Variants in DPP6 observed in about 807,000 individuals in gnomAD.
The protein encoded by DPP6 is A-type potassium channel modulatory protein DPP6.
DPP6 carries 69 observed loss-of-function variants against 122.6 expected under a neutral mutation model. That is an observed-to-expected ratio of 0.56 (90% CI 0.46 to 0.69). The LOEUF (loss-of-function observed/expected upper bound fraction) is 0.69. DPP6 is among the 30% of genes least tolerant of loss of function. DPP6 has a pLI of 0.00. For synonymous variants in DPP6, 418 were observed against 433.1 expected (o/e 0.97, Z 0.43); for missense variants, 928 against 1,116.9 (o/e 0.83, Z 2.41).
rs148429250 is a variant in DPP6, at chr7:154,877,452, A to G, written c.2078+1352A>G. On this transcript the variant is annotated intron_variant, in intron 20 of 25. Coordinates refer to ENST00000377770, the MANE Select transcript of DPP6 (RefSeq NM_130797.4). The surrounding 1 kb of genome is among the most constrained non-coding windows in gnomAD (Gnocchi z 5.2). Reference sequence around the variant, plus strand: ...ACACACCTCTCAAATAAGGAACTATATTGGCTACAAAAGACACAGGGATGT... The same window carrying G: ...ACACACCTCTCAAATAAGGAACTATGTTGGCTACAAAAGACACAGGGATGT... 8.2e-3 allele frequency among the ~76,000 whole-genome samples: 1,248 copies of G among 152,050 alleles called. 8 individuals are homozygous for G. Among genetic ancestry groups the G allele is most frequent in the African/African-American group, 0.029 (1,195 of 41,446 alleles).
chr7:153,956,425 G>C (rs1040954276), intron 1 of DPP6, among the ~76,000 whole-genome samples: 1 of 152,128 alleles, frequency 6.6e-6, no homozygotes, highest in African/African-American at 2.4e-5. Flanking sequence ...GGAGATGGAC[G>C]AGCATCATGA....
At chr7:154,306,773 G>C (rs529494669) in intron 1 of DPP6, among the ~76,000 whole-genome samples, 86 of 152,262 alleles carry the variant, frequency 5.6e-4, no homozygotes, top group African/African-American at 1.9e-3. Flanking sequence ...TGTAAATACG[G>C]ACATTAAAAA....
intron 3 of DPP6, among the ~76,000 whole-genome samples, chr7:154,538,705 TTC>T (rs1828466629): frequency 6.6e-6 from 1 of 151,450 alleles, no homozygotes; most frequent in East Asian, 1.9e-4. Flanking sequence ...CTTAAGTGCT[TTC>T]TAAAAAAAAA....
At chr7:153,956,850 C>T (rs1379947604) in intron 1 of DPP6, among the ~76,000 whole-genome samples, 1 of 152,112 alleles carries the variant, frequency 6.6e-6, no homozygotes, top group African/African-American at 2.4e-5. Context: ...TTGTGCAACA[C>T]CATTGCTGTC....
intron 1 of DPP6, among the ~76,000 whole-genome samples, chr7:154,231,677 T>G (rs896379443): frequency 6.6e-6 from 1 of 152,130 alleles, no homozygotes; most frequent in Non-Finnish European, 1.5e-5. Flanking sequence ...CTTCTGTGTC[T>G]CTATGCCTGC....
chr7:153,751,382 C>CCTTTTAGATGTGTTAGCCTT, the DPP6 span, among the ~76,000 whole-genome samples: 2 of 151,168 alleles, frequency 1.3e-5, no homozygotes, highest in African/African-American at 4.9e-5. Flanking sequence ...TGGTTATTCA[C>CCTTTTAGATGTGTTAGCCTT]CTTTTAGATG....
At chr7:154,211,341 G>A (rs1026526531) in intron 1 of DPP6, among the ~76,000 whole-genome samples, 3 of 152,142 alleles carry the variant, frequency 2.0e-5, no homozygotes, top group Non-Finnish European at 4.4e-5. Context: ...AGGTTCATGA[G>A]GAGGAAAACC....
rs527570196 is a variant in DPP6 at position 154,783,161 on chromosome 7, G to A, written c.1136+10219G>A. On this transcript the variant is annotated intron_variant, in intron 10 of 25. Coordinates refer to ENST00000377770, the MANE Select transcript of DPP6 (RefSeq NM_130797.4). ...GGGGTAGAGGCTGTTTCCACCACCT[G>A]CTTTCTCCCCTAATTGCATGGACTT... is the stretch of plus-strand genomic sequence containing the variant. 2.0e-5 allele frequency among the ~76,000 whole-genome samples: 3 copies of A among 152,262 alleles called. No homozygotes were observed. The South Asian group carries it at 6.2e-4, about 32-fold the overall frequency.
rs568577751 is a variant in DPP6, at chr7:154,249,750, T to C, written c.244-196464T>C. On this transcript the variant is annotated intron_variant, in intron 1 of 25. Transcript: ENST00000377770. Reference sequence around the variant, plus strand: ...GCATTTCCATGTGACTATACACATATGCACACAATCTTGCATATGATTTCA... The same window carrying C: ...GCATTTCCATGTGACTATACACATACGCACACAATCTTGCATATGATTTCA... 6.6e-5 allele frequency among the ~76,000 whole-genome samples: 10 copies of C among 152,304 alleles called. No homozygotes were observed. The East Asian group carries it at 1.9e-3, about 29-fold the overall frequency.
chr7:154,062,017 G>C (rs933843767), intron 1 of DPP6, among the ~76,000 whole-genome samples: 4 of 87,418 alleles, frequency 4.6e-5, no homozygotes, highest in Non-Finnish European at 1.0e-4. Context: ...CCATCGCAGG[G>C]GGGGGGAGGC....
intron 6 of DPP6, among the ~76,000 whole-genome samples, chr7:154,661,795 C>A (rs1321815242): frequency 3.6e-5 from 5 of 139,548 alleles, no homozygotes; most frequent in Non-Finnish European, 6.2e-5. Context: ...TGGTGAATCA[C>A]CATGGCGTGT....
At chr7:154,029,385 C>A (rs561190543) in intron 1 of DPP6, among the ~76,000 whole-genome samples, 1 of 151,338 alleles carries the variant, frequency 6.6e-6, no homozygotes, top group African/African-American at 2.4e-5. Flanking sequence ...GGCGCGGTGG[C>A]GGGCGCCTGT....
At chr7:154,883,170 CACAT>C (rs199969878) in intron 21 of DPP6, among the ~76,000 whole-genome samples, 1,444 of 139,314 alleles carry the variant, frequency 0.01, 21 homozygotes, top group African/African-American at 0.037. Context: ...CACATTCACA[CACAT>C]ACACAAATGC....
chr7:154,297,655 A>G (rs1218915383), intron 1 of DPP6, among the ~76,000 whole-genome samples: 1 of 152,220 alleles, frequency 6.6e-6, no homozygotes, highest in Non-Finnish European at 1.5e-5. Flanking sequence ...CCCAGTACAC[A>G]GCAGAAGTTT....
chr7:154,706,833 G>A (rs968163662), intron 7 of DPP6, among the ~76,000 whole-genome samples: 14 of 152,204 alleles, frequency 9.2e-5, no homozygotes, highest in Admixed American at 2.6e-4. Context: ...AGATTTCTCT[G>A]GGTGGGTGAC....
At chr7:153,995,468 C>G (rs56165704) in intron 1 of DPP6, among the ~76,000 whole-genome samples, 7 of 151,618 alleles carry the variant, frequency 4.6e-5, no homozygotes, top group Non-Finnish European at 2.9e-5. Context: ...TGCCTGTAGT[C>G]TCAGCTACTT....
intron 1 of DPP6, among the ~76,000 whole-genome samples, chr7:153,895,570 A>T (rs1486252801): frequency 6.6e-6 from 1 of 152,210 alleles, no homozygotes; most frequent in Admixed American, 6.5e-5. Context: ...GTCTTGTCTC[A>T]GCAAGCATGC....
the DPP6 span, among the ~76,000 whole-genome samples, chr7:153,835,805 C>CAGAA: frequency 1.9e-4 from 29 of 152,268 alleles, no homozygotes; most frequent in African/African-American, 6.7e-4. Flanking sequence ...GTTACGGAGG[C>CAGAA]AGAAAGCTGC....
At chr7:153,992,587 C>A (rs1490575857) in intron 1 of DPP6, among the ~76,000 whole-genome samples, 2 of 152,226 alleles carry the variant, frequency 1.3e-5, no homozygotes, top group East Asian at 1.9e-4. Context: ...GCATCTAATC[C>A]GTCCTACCCA....
Sources: gnomAD v4.1 joint callset for allele counts (sites outside exome capture counted in the v4.1 genomes callset) on GRCh38, gnomAD v4.1.1 for gene constraint, Gnocchi (gnomAD v3.1) non-coding constraint, MANE v1.5 for transcripts, NCBI Gene and HGNC (gene_info 2026-07-23, HGNC 2026-07-21) for gene names.